The following ELMO1 variants were observed in gnomAD, a reference collection of about 807,000 sequenced individuals.
ELMO1 encodes the protein engulfment and cell motility protein 1.
ELMO1 carries 26 observed loss-of-function variants against 98.9 expected under a neutral mutation model. That is an observed-to-expected ratio of 0.26 (90% CI 0.19 to 0.36). The LOEUF is 0.36. ELMO1 is among the 10% of genes least tolerant of loss of function. ELMO1 has a pLI of 1.00. For synonymous variants in ELMO1, 346 were observed against 346.0 expected (o/e 1.00, Z 0.00); for missense variants, 627 against 935.2 (o/e 0.67, Z 4.30).
At chr7:37,437,979 C>CAAAA (rs57418239) in intron 1 of ELMO1, among the ~76,000 whole-genome samples, 1 of 18,048 alleles carries the variant, frequency 5.5e-5, no homozygotes, top group Admixed American at 8.5e-4. Flanking sequence ...GACTCCGTCT[C>CAAAA]AAAAAAAAAA....
chr7:37,354,069 T>C (rs989958842), intron 1 of ELMO1, among the ~76,000 whole-genome samples: 4 of 152,254 alleles, frequency 2.6e-5, no homozygotes, highest in Non-Finnish European at 5.9e-5. Context: ...GTAACTGCCC[T>C]GAATCTGTCT....
chr7:37,438,158 A>C (rs1306376760), intron 1 of ELMO1, among the ~76,000 whole-genome samples: 2 of 152,174 alleles, frequency 1.3e-5, no homozygotes, highest in African/African-American at 2.4e-5. Flanking sequence ...TTTCTTGAAG[A>C]AAAGACATAT....
intron 15 of ELMO1, among the ~76,000 whole-genome samples, chr7:37,030,898 A>T (rs73688454): frequency 0.028 from 4,265 of 152,224 alleles, 183 homozygotes; most frequent in African/African-American, 0.091. Context: ...ACAACTCCTT[A>T]TTGGACACGC....
chr7:36,983,464 T>C (rs1791238706), intron 16 of ELMO1, among the ~76,000 whole-genome samples: 2 of 152,200 alleles, frequency 1.3e-5, no homozygotes, highest in South Asian at 4.1e-4. Flanking sequence ...TTCCCCTATA[T>C]ACTCACTCTC....
At chr7:37,373,356 C>A (rs1802195489) in intron 1 of ELMO1, among the ~76,000 whole-genome samples, 2 of 152,134 alleles carry the variant, frequency 1.3e-5, no homozygotes, top group African/African-American at 4.8e-5. Context: ...CCGGTAATCC[C>A]AGCACTTTGG....
At chr7:37,184,178 T>C (rs1791056801) in intron 13 of ELMO1, among the ~76,000 whole-genome samples, 1 of 152,228 alleles carries the variant, frequency 6.6e-6, no homozygotes, top group African/African-American at 2.4e-5. Flanking sequence ...ATATTATGAA[T>C]GTTAGGTGGT....
chr7:37,156,555 A>G (rs972744693), intron 13 of ELMO1, among the ~76,000 whole-genome samples: 2 of 152,228 alleles, frequency 1.3e-5, no homozygotes, highest in Non-Finnish European at 2.9e-5. Flanking sequence ...CTACACAAAT[A>G]AACTAGAAAA....
chr7:37,252,024 G>A (rs1795375023), intron 6 of ELMO1, among the ~76,000 whole-genome samples: 1 of 152,238 alleles, frequency 6.6e-6, no homozygotes, highest in Admixed American at 6.5e-5. Flanking sequence ...GAACTTAAAA[G>A]GGATGTGAAG....
chr7:37,339,057 A>C (rs1275047059), intron 2 of ELMO1, among the ~76,000 whole-genome samples: 1 of 152,218 alleles, frequency 6.6e-6, no homozygotes. Context: ...CCTCCCAGTT[A>C]TTCATTCATG....
intron 1 of ELMO1, among the ~76,000 whole-genome samples, chr7:37,351,454 C>G (rs1801264309): frequency 6.6e-6 from 1 of 152,170 alleles, no homozygotes; most frequent in African/African-American, 2.4e-5. Flanking sequence ...TGCAGCCATG[C>G]TCCCTCCATG....
intron 11 of ELMO1, among the ~76,000 whole-genome samples, chr7:37,213,660 A>G (rs1360527737): frequency 1.3e-5 from 2 of 152,144 alleles, no homozygotes; most frequent in Non-Finnish European, 1.5e-5. Flanking sequence ...CAGGCCATGA[A>G]AAAACCTACT....
At chr7:37,440,259 T>C (rs1805347230) in intron 1 of ELMO1, among the ~76,000 whole-genome samples, 1 of 152,168 alleles carries the variant, frequency 6.6e-6, no homozygotes, top group African/African-American at 2.4e-5. Context: ...CTGGTCAATA[T>C]GGTGAAACCT....
At chr7:37,070,529 T>C (rs1252909655) in intron 15 of ELMO1, among the ~76,000 whole-genome samples, 1 of 152,184 alleles carries the variant, frequency 6.6e-6, no homozygotes, top group Non-Finnish European at 1.5e-5. Context: ...AAAACACATA[T>C]TTAAGTATCA....
At chr7:36,948,225 G>A (rs1787665286) in intron 16 of ELMO1, among the ~76,000 whole-genome samples, 2 of 152,098 alleles carry the variant, frequency 1.3e-5, no homozygotes, top group African/African-American at 4.8e-5. Context: ...TAGAGGGGTA[G>A]ACAATGGGCG....
At chr7:37,067,787 T>TA (rs939858295) in intron 15 of ELMO1, among the ~76,000 whole-genome samples, 352 of 151,204 alleles carry the variant, frequency 2.3e-3, no homozygotes, top group African/African-American at 7.7e-3. Flanking sequence ...CATAAAGGTT[T>TA]AAAAAAAAAG....
intron 14 of ELMO1, among the ~76,000 whole-genome samples, chr7:37,108,379 C>T (rs1036524531): frequency 3.9e-5 from 6 of 152,188 alleles, no homozygotes; most frequent in African/African-American, 1.4e-4. Flanking sequence ...CTCCTTCAGA[C>T]CCAATCCAGA....
chr7:37,293,241 G>T (rs1351735059), intron 4 of ELMO1, among the ~76,000 whole-genome samples: 1 of 133,574 alleles, frequency 7.5e-6, no homozygotes, highest in African/African-American at 2.6e-5. Context: ...ATTGAGAATG[G>T]GCCATGATGA....
chr7:36,926,503 C>A (rs966031771), intron 16 of ELMO1, among the ~76,000 whole-genome samples: 1 of 152,120 alleles, frequency 6.6e-6, no homozygotes, highest in Non-Finnish European at 1.5e-5. Context: ...GTGACCCCCC[C>A]AACTGAGGTT....
chr7:37,079,095 A>G (rs1459933708), intron 15 of ELMO1, among the ~76,000 whole-genome samples: 2 of 152,332 alleles, frequency 1.3e-5, no homozygotes, highest in East Asian at 3.9e-4. Flanking sequence ...TAAGGAAATT[A>G]TTAAGATGTG....
Sources: allele counts gnomAD v4.1 joint callset (sites outside exome capture counted in the v4.1 genomes callset), GRCh38; gene constraint gnomAD v4.1.1; transcripts MANE v1.5; gene names NCBI Gene and HGNC (gene_info 2026-07-23, HGNC 2026-07-21).